The following ATP2C2 variants were observed in gnomAD, a reference collection of about 807,000 sequenced individuals.
The protein encoded by ATP2C2 is calcium-transporting ATPase type 2C member 2.
In ATP2C2, 171 loss-of-function variants were observed where a neutral mutation model predicts 110.8. That is an observed-to-expected ratio of 1.54 (90% CI 1.36 to 1.75). ATP2C2 has a LOEUF of 1.75. Among genes scored for constraint, ATP2C2 ranks in the 40% most tolerant of loss-of-function variants. The pLI is 0.00. For missense variants in ATP2C2, 1,963 were observed against 1,235.0 expected (o/e 1.59, Z -8.84); for synonymous variants, 804 against 508.4 (o/e 1.58, Z -7.82).
In ATP2C2 at chr16:84,406,333, C is replaced by T. The variant is rs1177157957; in HGVS notation, c.327+1089C>T. Among the ~76,000 whole-genome samples the T allele has an allele frequency of 2.2e-4, 33 of 152,336 alleles. 1 individual carries two copies. Among genetic ancestry groups the T allele is most frequent in the Non-Finnish European group, 3.2e-4 (22 of 68,030 alleles). ...AGTTCAGAAAGGCTCAGTGAACAGG[C>T]AGAATTTTCCAGGTGCCTGAGGGCA... On this transcript the variant is annotated intron_variant, in intron 3 of 26. Transcript: ENST00000262429.
At chr16:84,379,441 C>G (rs144636668) in intron 1 of ATP2C2, among the ~76,000 whole-genome samples, 1 of 152,218 alleles carries the variant, frequency 6.6e-6, no homozygotes, top group South Asian at 2.1e-4. Context: ...GTTGGGATTA[C>G]AGGCGTGAGC....
rs190147176 is a variant in ATP2C2 at position 84,434,049 on chromosome 16, G to T, written c.987-5117G>T. ...ACTGAGTCAGAAGGTGGAGATGGCA[G>T]CTTAGCCAGCGGAGATTTTCCAAAA... On this transcript the variant is annotated intron_variant, in intron 11 of 26. Transcript: ENST00000262429. Among the ~76,000 whole-genome samples the T allele has an allele frequency of 2.3e-3, 350 of 152,308 alleles. 2 individuals are homozygous for T. The highest frequency in any genetic ancestry group is 8.2e-3 in the African/African-American group (339 of 41,558).
At chr16:84,375,985 G>A in intron 1 of ATP2C2, among the ~76,000 whole-genome samples, 1 of 151,996 alleles carries the variant, frequency 6.6e-6, no homozygotes, top group Non-Finnish European at 1.5e-5. Context: ...TAGCTGGGTG[G>A]GAGTGGTACT....
chr16:84,442,542 A>G lies in ATP2C2; in HGVS notation c.1344A>G (p.Arg448=), dbSNP rs760100469. 16 of 1,613,990 alleles carry G rather than the reference A, an allele frequency of 9.9e-6. No homozygotes were observed. The highest frequency in any genetic ancestry group is 1.4e-5 in the Non-Finnish European group (16 of 1,179,986). Residue 448 remains arginine (R), a synonymous_variant, in exon 15 of 27, where the codon AGA becomes AGG. Transcript: ENST00000262429. ...AGCVANNAVI[R]KNAVMGQPTE... is the part of the protein sequence containing the mutation. ...GTGTTGCCAACAATGCGGTCATCAG[A>G]AAGAACGCCGTGATGGGGCAGCCCA...
At chr16:84,444,753 G>A (rs1909592209) in intron 15 of ATP2C2, among the ~76,000 whole-genome samples, 1 of 152,176 alleles carries the variant, frequency 6.6e-6, no homozygotes, top group Admixed American at 6.5e-5. Flanking sequence ...TCCTTGATGT[G>A]TTATAATTTT....
intron 16 of ATP2C2, 69 bp from the exon 17 acceptor site, chr16:84,448,464 G>C (rs1909960569): frequency 1.4e-5 from 21 of 1,517,180 alleles, no homozygotes; most frequent in Non-Finnish European, 1.8e-5. Flanking sequence ...CTTGTGCAGA[G>C]TGGGGTGATG....
chr16:84,448,410 A>C (rs781188930), intron 16 of ATP2C2, 123 bp from the exon 17 acceptor site: 10 of 1,250,700 alleles, frequency 8.0e-6, no homozygotes, highest in Non-Finnish European at 1.1e-5. Flanking sequence ...CCAGCCTATG[A>C]TAAATAACTC....
chr16:84,459,453 C>A, intron 23 of ATP2C2, 67 bp downstream of exon 23: 3 of 1,602,854 alleles, frequency 1.9e-6, no homozygotes, highest in South Asian at 2.2e-5. Context: ...CCAGGGGCTG[C>A]TGGCTGTGCC....
intron 1 of ATP2C2, among the ~76,000 whole-genome samples, chr16:84,374,040 G>A (rs962317932): frequency 4.6e-5 from 7 of 152,186 alleles, no homozygotes; most frequent in South Asian, 2.1e-4. Flanking sequence ...GAACTGGCTC[G>A]TTCACTTGAA....
intron 1 of ATP2C2, among the ~76,000 whole-genome samples, chr16:84,370,266 A>T (rs901632777): frequency 2.0e-5 from 3 of 152,168 alleles, no homozygotes; most frequent in African/African-American, 7.2e-5. Context: ...CCGGTCTGTC[A>T]GTGTGCTCTC....
chr16:84,420,096 C>T (rs563564047), intron 7 of ATP2C2, among the ~76,000 whole-genome samples: 1 of 152,294 alleles, frequency 6.6e-6, no homozygotes, highest in South Asian at 2.1e-4. Context: ...TAACCTATCT[C>T]ATCCCGGAGG....
At chr16:84,443,591 G>A (rs568745128) in intron 15 of ATP2C2, among the ~76,000 whole-genome samples, 3 of 152,232 alleles carry the variant, frequency 2.0e-5, no homozygotes, top group Middle Eastern at 3.4e-3. Context: ...GGCGAGTGCC[G>A]ACTTTCTCTT....
intron 15 of ATP2C2, 70 bp downstream of exon 15, chr16:84,442,669 G>A: frequency 1.4e-6 from 2 of 1,460,892 alleles, no homozygotes; most frequent in Non-Finnish European, 9.6e-7. Context: ...TAGAAAGCCA[G>A]CTCCTGTCTG....
At chr16:84,439,815 C>T (rs921951905) in intron 13 of ATP2C2, among the ~76,000 whole-genome samples, 6 of 152,078 alleles carry the variant, frequency 3.9e-5, no homozygotes, top group East Asian at 1.9e-4. Context: ...ATAAACTAAC[C>T]GTGATTAGTC....
chr16:84,404,705 A>G (rs759080964), intron 2 of ATP2C2: 14 of 350,050 alleles, frequency 4.0e-5, no homozygotes, highest in Non-Finnish European at 6.6e-5. Context: ...CTTTGGGTAT[A>G]TACCCCAAAG....
chr16:84,391,082 C>CCAG (rs1277530066), intron 1 of ATP2C2, among the ~76,000 whole-genome samples: 11 of 134,452 alleles, frequency 8.2e-5, no homozygotes, highest in African/African-American at 8.2e-5. Flanking sequence ...CTGCTGCACT[C>CCAG]CAGCCTGGGT....
Position 84,412,410 on chromosome 16 carries a change from G to GTC in ATP2C2, c.515+1646_515+1647insCT, listed in dbSNP as rs766585018. On this transcript the variant is annotated intron_variant, in intron 6 of 26. Coordinates refer to ENST00000262429, the MANE Select transcript of ATP2C2 (RefSeq NM_014861.4). ...TATGTGTCTGTGTGTGTCTGTGCAT[G>GTC]TGTCTGTGTATGTGTGTGCGTGTGT... Among the ~76,000 whole-genome samples the GTC allele has an allele frequency of 3.9e-5, 4 of 101,740 alleles. No homozygotes were observed. In the East Asian group the frequency reaches 7.3e-4, roughly 18 times the overall value. The allele number at this position is 101,740 out of a possible 152,430, so 66.7% of individuals were successfully genotyped here.
intron 20 of ATP2C2, among the ~76,000 whole-genome samples, chr16:84,453,809 G>A (rs1406549953): frequency 6.6e-6 from 1 of 152,014 alleles, no homozygotes; most frequent in Non-Finnish European, 1.5e-5. Context: ...AACGTAGAGG[G>A]AAAAACTAAA....
chr16:84,459,810 C>T (rs958789738), intron 23 of ATP2C2: 13 of 493,294 alleles, frequency 2.6e-5, no homozygotes, highest in African/African-American at 2.3e-4. Flanking sequence ...GATCTGTCTC[C>T]CCTTTAGAAC....
Sources: gnomAD v4.1 joint callset for allele counts (sites outside exome capture counted in the v4.1 genomes callset) on GRCh38, gnomAD v4.1.1 for gene constraint, MANE v1.5 for transcripts, NCBI Gene and HGNC (gene_info 2026-07-23, HGNC 2026-07-21) for gene names.